The following ABCD4 variants were observed in gnomAD, a reference collection of about 807,000 sequenced individuals.
ABCD4 encodes the protein lysosomal cobalamin transporter ABCD4.
A neutral mutation model predicts 86.3 loss-of-function variants in ABCD4; 53 were observed. The ratio of observed to expected loss-of-function variants is 0.61; its 90% confidence interval spans 0.49 to 0.77. The LOEUF is 0.77. ABCD4 is among the 30% of genes least tolerant of loss of function. The probability of loss-of-function intolerance (pLI) is 0.00; values close to 1 mark genes in which losing one functional copy is unlikely to be tolerated. For synonymous variants in ABCD4, 328 were observed against 313.6 expected (o/e 1.05, Z -0.49); for missense variants, 757 against 764.5 (o/e 0.99, Z 0.12).
chr14:74,296,383 G>A lies in ABCD4; in HGVS notation c.492C>T (p.Leu164=). The A allele has an allele frequency of 1.9e-6, 3 of 1,614,090 alleles. No individual in the cohort carries two copies. The highest frequency in any genetic ancestry group is 2.2e-5 in the South Asian group (2 of 91,080). ...AGACGAGGGTGAACGGGGAGATGATGAGCTTGCTGGCCATGCTGCTGAGCT... is the reference window on the plus strand; with the variant it reads ...AGACGAGGGTGAACGGGGAGATGATAAGCTTGCTGGCCATGCTGCTGAGCT... ...CRQLSSMASK[L]IISPFTLVYY... Residue 164 remains leucine (L), a synonymous_variant, in exon 5 of 19, where the codon CTC becomes CTT. Coordinates refer to ENST00000356924, the MANE Select transcript of ABCD4 (RefSeq NM_005050.4).
At chr14:74,302,637 C>T (rs973947139) in intron 1 of ABCD4, among the ~76,000 whole-genome samples, 1 of 152,194 alleles carries the variant, frequency 6.6e-6, no homozygotes, top group Non-Finnish European at 1.5e-5. Flanking sequence ...GGGTGAGGGT[C>T]CCACACCGCA....
In ABCD4 at chr14:74,295,145, C is replaced by A. The variant is rs1446870226; in HGVS notation, c.719+3G>T. On this transcript the variant is annotated splice_donor_region_variant and intron_variant, in intron 7 of 18. Coordinates refer to ENST00000356924, the MANE Select transcript of ABCD4 (RefSeq NM_005050.4). The stretch of plus-strand genomic sequence containing the variant: ...AGAAGGGGAACCATCTCTCCAGACT[C>A]ACCTGTAGAAAGCAGCAGGCTCCGC... 3 of 1,614,070 alleles carry A rather than the reference C, an allele frequency of 1.9e-6. No individual in the cohort carries two copies. The highest frequency in any genetic ancestry group is 2.5e-6 in the Non-Finnish European group (3 of 1,180,010).
At position 74,289,798 on chromosome 14, in the gene ABCD4, G is replaced by C. The variant is rs1327984206; in HGVS notation, c.1419+229C>G. 7 of 1,436,812 alleles carry C rather than the reference G, an allele frequency of 4.9e-6. No individual in the cohort carries two copies. The Admixed American group carries it at 1.1e-4, about 23-fold the overall frequency. 89.0% of individuals were successfully genotyped at this position (1,436,812 alleles called of 1,614,324 possible). On this transcript the variant is annotated intron_variant, in intron 13 of 18. Transcript: ENST00000356924. ...TTGACATACGCGTGTGGTATTTGGC[G>C]TGAGTCCTTGCCCCATTTACCTGCC...
chr14:74,299,065 G>A (rs7147099), intron 3 of ABCD4: 7,999 of 155,784 alleles, frequency 0.051, 716 homozygotes, highest in African/African-American at 0.18. Flanking sequence ...AGGTGACAAC[G>A]GAGGGATGAC....
intron 4 of ABCD4, chr14:74,296,825 T>C: frequency 5.6e-6 from 1 of 179,278 alleles, no homozygotes; most frequent in Admixed American, 5.7e-5. Flanking sequence ...ATTTCTCTTA[T>C]ATAAGCCCTA....
At position 74,289,537 on chromosome 14, in the gene ABCD4, C is replaced by G. The variant is rs767297841; in HGVS notation, c.1420-18G>C. On this transcript the variant is annotated intron_variant, in intron 13 of 18. Coordinates refer to ENST00000356924, the MANE Select transcript of ABCD4 (RefSeq NM_005050.4). ...TATATCACCTGAGAAAAGAAAAAAA[C>G]CACACCAACCTAGGAGGGCGAGCAA... 1 of 1,613,180 alleles carries G rather than the reference C, an allele frequency of 6.2e-7. No homozygotes were observed. Among genetic ancestry groups the G allele is most frequent in the Admixed American group, 1.7e-5 (1 of 59,876 alleles).
intron 4 of ABCD4, 61 bp from the exon 5 acceptor site, chr14:74,296,510 A>T (rs959457873): frequency 3.4e-6 from 5 of 1,487,980 alleles, no homozygotes; most frequent in Non-Finnish European, 4.7e-6. Context: ...TAGAGAGAAC[A>T]AGAAACTTTC....
At chr14:74,291,417 G>A (rs2081459879) in intron 11 of ABCD4, among the ~76,000 whole-genome samples, 1 of 152,196 alleles carries the variant, frequency 6.6e-6, no homozygotes, top group African/African-American at 2.4e-5. Flanking sequence ...AACTGCCCAG[G>A]TTGCAGAGCG....
intron 11 of ABCD4, among the ~76,000 whole-genome samples, chr14:74,291,493 CAAG>C (rs1269943625): frequency 3.3e-5 from 5 of 152,174 alleles, no homozygotes; most frequent in Admixed American, 1.3e-4. Flanking sequence ...GTACTAATAA[CAAG>C]AATGGGAGTG....
rs1312393579 is a variant in ABCD4, at chr14:74,285,827, C to T, written c.*634G>A. On this transcript the variant is annotated 3_prime_UTR_variant, in exon 19 of 19. Transcript: ENST00000356924. Reference sequence around the variant, plus strand: ...AAGTTAGTGGTTCAGGTTCTAACTACACAACACTGGCAAGTGGAAAGGGAG... The same window carrying T: ...AAGTTAGTGGTTCAGGTTCTAACTATACAACACTGGCAAGTGGAAAGGGAG... 1 of 152,176 alleles carries T rather than the reference C, an allele frequency of 6.6e-6. No individual in the cohort carries two copies. The highest frequency in any genetic ancestry group is 2.4e-5 in the African/African-American group (1 of 41,382). The allele number at this position is 152,176 out of a possible 1,614,324, so 9.4% of individuals were successfully genotyped here.
Position 74,290,683 on chromosome 14 carries a change from C to CTTTTTT in ABCD4, c.1119-190_1119-185dup, listed in dbSNP as rs35144250. Among the ~76,000 whole-genome samples the CTTTTTT allele has an allele frequency of 2.9e-5, 3 of 103,966 alleles. 1 individual carries two copies. Among genetic ancestry groups the CTTTTTT allele is most frequent in the African/African-American group, 1.2e-4 (3 of 25,416 alleles). 68.2% of individuals were successfully genotyped at this position (103,966 alleles called of 152,430 possible). On this transcript the variant is annotated intron_variant, in intron 11 of 18. Transcript: ENST00000356924. ...ATGTAACTGCATTCGGAGGCAGGGT[C>CTTTTTT]TTTTTTTTTTTTTTTTTTTTTGAGA...
In ABCD4 at chr14:74,286,367, G is replaced by A. The variant is rs746941180; in HGVS notation, c.*94C>T. 7.9e-6 allele frequency: 11 copies of A among 1,399,340 alleles called. No individual in the cohort carries two copies. In the Admixed American group the frequency reaches 8.4e-5, roughly 11 times the overall value. The allele number at this position is 1,399,340 out of a possible 1,614,324, so 86.7% of individuals were successfully genotyped here. A position where few individuals can be genotyped will look rare whatever the true frequency, so the allele number is the denominator to read the frequency against. On this transcript the variant is annotated 3_prime_UTR_variant, in exon 19 of 19. Coordinates refer to ENST00000356924, the MANE Select transcript of ABCD4 (RefSeq NM_005050.4). ...GGCTCCTGCACGGGATCTATGTGGC[G>A]AACCTGAGCTCGATCTTCGCTGTCA...
chr14:74,297,728 T>C (rs1595031355), intron 4 of ABCD4: 2 of 1,302,186 alleles, frequency 1.5e-6, no homozygotes, highest in East Asian at 6.4e-5. Flanking sequence ...CCTGGCAGGC[T>C]TCTTCTTTTT....
In ABCD4 at chr14:74,290,495, G is replaced by C. The variant is rs1243757290; in HGVS notation, c.1123C>G (p.Pro375Ala). 2 of 1,612,652 alleles carry C rather than the reference G, an allele frequency of 1.2e-6. No homozygotes were observed. The highest frequency in any genetic ancestry group is 1.7e-5 in the Admixed American group (1 of 59,990). The part of the protein sequence containing the change: ...GESEWGLDTP[P>A]GWPAAEPADT... ...GCTGGCTCTGCCGCTGGCCACCCTGGGGGTCTGTGTCAGAGAAGAGAGGGG... is the reference window on the plus strand; with the variant it reads ...GCTGGCTCTGCCGCTGGCCACCCTGCGGGTCTGTGTCAGAGAAGAGAGGGG... Residue 375 changes from proline (P) to alanine (A), a missense_variant, in exon 12 of 19, where the codon CCA becomes GCA. By Grantham distance (27) the Pro-to-Ala change is conservative. Transcript: ENST00000356924.
intron 14 of ABCD4, 186 bp downstream of exon 14, chr14:74,289,297 A>G: frequency 1.4e-6 from 2 of 1,400,044 alleles, no homozygotes; most frequent in Non-Finnish European, 1.9e-6. Context: ...TTAAGGACAG[A>G]AAGAATGAGG....
intron 11 of ABCD4, among the ~76,000 whole-genome samples, chr14:74,291,499 T>C (rs1203717291): frequency 2.0e-5 from 3 of 152,180 alleles, no homozygotes; most frequent in Admixed American, 6.5e-5. Flanking sequence ...ATAACAAGAA[T>C]GGGAGTGGTT....
chr14:74,291,969 T>C (rs986958728), intron 11 of ABCD4, among the ~76,000 whole-genome samples: 23 of 151,898 alleles, frequency 1.5e-4, no homozygotes, highest in Non-Finnish European at 7.4e-5. Flanking sequence ...AAGACAGACA[T>C]GCCCCAAGGA....
At chr14:74,291,034 A>T (rs2081355822) in intron 11 of ABCD4, among the ~76,000 whole-genome samples, 1 of 152,282 alleles carries the variant, frequency 6.6e-6, no homozygotes, top group South Asian at 2.1e-4. Context: ...ACCCTAATCC[A>T]ATATGACTGG....
rs1424148191 is a variant in ABCD4 at position 74,293,236 on chromosome 14, C to T, written c.732G>A (p.Val244=). The T allele has an allele frequency of 1.1e-5, 18 of 1,614,040 alleles. No homozygotes were observed. Among genetic ancestry groups the T allele is most frequent in the Non-Finnish European group, 1.4e-5 (17 of 1,180,016 alleles). ...EPAAFYRAGH[V]EHMRTDRRLQ... ...GCCTGCGGTCTGTCCTCATGTGCTC[C>T]ACATGCCCAGCTCTGACAAGGAAAG... Residue 244 remains valine, a synonymous_variant, in exon 8 of 19, where the codon GTG becomes GTA. Coordinates refer to ENST00000356924, the MANE Select transcript of ABCD4 (RefSeq NM_005050.4).
Sources: allele counts gnomAD v4.1 joint callset (sites outside exome capture counted in the v4.1 genomes callset), GRCh38; gene constraint gnomAD v4.1.1; transcripts MANE v1.5; gene names NCBI Gene and HGNC (gene_info 2026-07-23, HGNC 2026-07-21).